The following FBXL17 variants were observed in gnomAD, a reference collection of about 807,000 sequenced individuals.
The protein encoded by FBXL17 is F-box/LRR-repeat protein 17.
Under a neutral mutation model 66.2 loss-of-function variants are expected in FBXL17, and 22 were observed. That is an observed-to-expected ratio of 0.33 (90% confidence interval 0.24 to 0.47). The LOEUF (loss-of-function observed/expected upper bound fraction) is 0.47. FBXL17 is among the 20% of genes least tolerant of loss of function. FBXL17 has a pLI of 1.00. For missense variants in FBXL17, 878 were observed against 948.2 expected (o/e 0.93, Z 0.97); for synonymous variants, 474 against 400.5 (o/e 1.18, Z -2.19).
intron 6 of FBXL17, among the ~76,000 whole-genome samples, chr5:108,100,423 A>G (rs955936067): frequency 1.3e-4 from 20 of 152,206 alleles, no homozygotes; most frequent in Non-Finnish European, 2.9e-5. Context: ...ATGCTGACCT[A>G]TTTATCCTTA....
At chr5:107,958,641 G>C (rs1373099281) in intron 7 of FBXL17, among the ~76,000 whole-genome samples, 1 of 152,132 alleles carries the variant, frequency 6.6e-6, no homozygotes, top group Non-Finnish European at 1.5e-5. Flanking sequence ...AATGGTGCAA[G>C]AGCTGTCAAG....
intron 6 of FBXL17, among the ~76,000 whole-genome samples, chr5:108,085,333 G>A (rs1359420955): frequency 6.6e-6 from 1 of 152,170 alleles, no homozygotes; most frequent in Non-Finnish European, 1.5e-5. Flanking sequence ...CAACAACACA[G>A]CCAGAGGCAT....
chr5:108,100,886 G>A (rs1273005413), intron 6 of FBXL17, among the ~76,000 whole-genome samples: 1 of 152,162 alleles, frequency 6.6e-6, no homozygotes, highest in East Asian at 1.9e-4. Flanking sequence ...GAGATGTACT[G>A]AGACAAATTT....
intron 4 of FBXL17, among the ~76,000 whole-genome samples, chr5:108,258,706 A>G (rs1421915981): frequency 2.0e-5 from 3 of 151,122 alleles, no homozygotes; most frequent in Non-Finnish European, 4.4e-5. Context: ...CCTCAGTTTA[A>G]TTAAGGAAGT....
chr5:108,009,261 T>TTATTTATATATATATA (rs1554056570), intron 7 of FBXL17, among the ~76,000 whole-genome samples: 1 of 20,850 alleles, frequency 4.8e-5, no homozygotes, highest in African/African-American at 1.6e-4. Context: ...GTTCCCTGTT[T>TTATTTATATATATATA]TATATATATA....
chr5:108,046,559 A>AT (rs1436813437), intron 6 of FBXL17, among the ~76,000 whole-genome samples: 1 of 152,022 alleles, frequency 6.6e-6, no homozygotes, highest in African/African-American at 2.4e-5. Context: ...TTACATGAAC[A>AT]TTTTTTAGAA....
chr5:108,180,317 C>G (rs779493193), intron 6 of FBXL17, among the ~76,000 whole-genome samples: 1 of 152,012 alleles, frequency 6.6e-6, no homozygotes, highest in Non-Finnish European at 1.5e-5. Context: ...TCTAGACCAG[C>G]CTGGCCAACA....
intron 6 of FBXL17, among the ~76,000 whole-genome samples, chr5:108,083,248 CACAGAGAG>C (rs746223429): frequency 3.7e-5 from 5 of 135,548 alleles, no homozygotes; most frequent in East Asian, 2.0e-4. Flanking sequence ...CACACACACA[CACAGAGAG>C]AGAGATAGAC....
chr5:108,216,997 G>C (rs918569291), intron 5 of FBXL17, among the ~76,000 whole-genome samples: 3 of 152,108 alleles, frequency 2.0e-5, no homozygotes, highest in Non-Finnish European at 4.4e-5. Context: ...GGGCACAGTG[G>C]GCTCCGGTGG....
At chr5:108,083,172 C>A (rs1356638793) in intron 6 of FBXL17, among the ~76,000 whole-genome samples, 1 of 149,438 alleles carries the variant, frequency 6.7e-6, no homozygotes, top group Non-Finnish European at 1.5e-5. Context: ...GAAAATAAAG[C>A]AAGAAACAAT....
chr5:108,188,159 TACTCAC>T (rs1753315372), intron 5 of FBXL17, among the ~76,000 whole-genome samples: 1 of 152,140 alleles, frequency 6.6e-6, no homozygotes, highest in East Asian at 1.9e-4. Context: ...TGCCAGGCAG[TACTCAC>T]ACTCTTTCCA....
At chr5:107,925,433 GA>G (rs1274077855) in intron 7 of FBXL17, among the ~76,000 whole-genome samples, 2 of 152,170 alleles carry the variant, frequency 1.3e-5, no homozygotes, top group Non-Finnish European at 2.9e-5. Flanking sequence ...CACTGTTTGT[GA>G]AAAGGCCAAT....
intron 7 of FBXL17, among the ~76,000 whole-genome samples, chr5:107,977,787 T>C (rs933058891): frequency 2.6e-5 from 4 of 152,242 alleles, no homozygotes; most frequent in East Asian, 1.9e-4. Flanking sequence ...ACCCGGCACA[T>C]AGTTTGTTCT....
chr5:107,918,621 C>T (rs188614447), intron 7 of FBXL17, among the ~76,000 whole-genome samples: 1 of 152,242 alleles, frequency 6.6e-6, no homozygotes, highest in African/African-American at 2.4e-5. Context: ...TATACATAAA[C>T]ACATGTTGAA....
At chr5:108,266,406 T>C (rs1757047419) in intron 4 of FBXL17, among the ~76,000 whole-genome samples, 4 of 152,160 alleles carry the variant, frequency 2.6e-5, no homozygotes, top group Admixed American at 2.6e-4. Context: ...ACCCAGGTCA[T>C]AAATCATTCC....
rs76475700 is a variant in FBXL17 at position 108,241,049 on chromosome 5, C to T, written c.1507-16821G>A. 3.5e-3 allele frequency among the ~76,000 whole-genome samples: 534 copies of T among 152,286 alleles called. 4 individuals carry two copies. Among genetic ancestry groups the T allele is most frequent in the African/African-American group, 0.012 (519 of 41,552 alleles). On this transcript the variant is annotated intron_variant, in intron 4 of 8. Transcript: ENST00000542267. ...AAGGATGGGTATGAACAAGCCCAAACTGCAAAGACTATAACAAATACCTCT... is the reference window on the plus strand; with the variant it reads ...AAGGATGGGTATGAACAAGCCCAAATTGCAAAGACTATAACAAATACCTCT...
intron 6 of FBXL17, among the ~76,000 whole-genome samples, chr5:108,146,160 A>T (rs1258530549): frequency 6.6e-6 from 1 of 151,644 alleles, no homozygotes; most frequent in Admixed American, 6.6e-5. Context: ...TGAATCCGAG[A>T]GGCAGAGCTT....
intron 4 of FBXL17, among the ~76,000 whole-genome samples, chr5:108,229,889 C>T (rs1755251835): frequency 6.6e-6 from 1 of 151,950 alleles, no homozygotes; most frequent in Admixed American, 6.6e-5. Context: ...CAAACAATCC[C>T]ATCAAAAAGT....
intron 7 of FBXL17, among the ~76,000 whole-genome samples, chr5:108,007,667 C>T (rs1753985585): frequency 6.9e-6 from 1 of 145,500 alleles, no homozygotes; most frequent in East Asian, 1.9e-4. Flanking sequence ...ATGTAGGCTA[C>T]TAAATATCAA....
Sources: allele counts gnomAD v4.1 joint callset (sites outside exome capture counted in the v4.1 genomes callset), GRCh38; gene constraint gnomAD v4.1.1; transcripts MANE v1.5; gene names NCBI Gene and HGNC (gene_info 2026-07-23, HGNC 2026-07-21).